GRPEL1: variants seen among roughly 807,000 people sequenced by gnomAD.
GRPEL1 encodes the protein grpE protein homolog 1, mitochondrial.
GRPEL1 carries 13 observed loss-of-function variants against 22.1 expected under a neutral mutation model. That is an observed-to-expected ratio of 0.59 (90% CI 0.38 to 0.94). GRPEL1 has a LOEUF of 0.94. Among genes scored for constraint, GRPEL1 ranks in the 40% least tolerant of loss-of-function variants. The pLI is 0.00. For synonymous variants in GRPEL1, 109 were observed against 105.3 expected, an observed-to-expected ratio of 1.03 and a Z score of -0.21; for missense variants, 289 against 264.6, an observed-to-expected ratio of 1.09 and a Z score of -0.64.
rs1723968522 is a variant in GRPEL1 at position 7,059,097 on chromosome 4, G to GA, written c.*1764dup. 1 of 152,140 alleles carries GA rather than the reference G, an allele frequency of 6.6e-6. No homozygotes were observed. The highest frequency in any genetic ancestry group is 2.4e-5 in the African/African-American group (1 of 41,422). The allele number at this position is 152,140 out of a possible 1,614,324, so 9.4% of individuals were successfully genotyped here. A position where few individuals can be genotyped will look rare whatever the true frequency, so the allele number is the denominator to read the frequency against. On this transcript the variant is annotated 3_prime_UTR_variant, in exon 4 of 4. Transcript: ENST00000264954. ...ATGTAGGTACACATGGTGTTCACAGGAAAAACTGCCTGACAGCGCATTTCT... is the reference window on the plus strand; with the variant it reads ...ATGTAGGTACACATGGTGTTCACAGGAAAAAACTGCCTGACAGCGCATTTCT...
rs1002860854 is a variant in GRPEL1 at position 7,059,501 on chromosome 4, G to T, written c.*1361C>A. On this transcript the variant is annotated 3_prime_UTR_variant, in exon 4 of 4. Transcript: ENST00000264954. ...CCCAGTCATGTTTTCTTCAATACAC[G>T]ATGCTGCCTTTAGTTGTTTCTGACC... is the stretch of plus-strand genomic sequence containing the variant. The T allele has an allele frequency of 6.6e-6, 1 of 152,176 alleles. No homozygotes were observed. The highest frequency in any genetic ancestry group is 1.5e-5 in the Non-Finnish European group (1 of 68,032). The allele number at this position is 152,176 out of a possible 1,614,324, so 9.4% of individuals were successfully genotyped here. A position where few individuals can be genotyped will look rare whatever the true frequency, so the allele number is the denominator to read the frequency against.
rs1378424769 is a variant in GRPEL1, at chr4:7,059,156, C to G, written c.*1706G>C. On this transcript the variant is annotated 3_prime_UTR_variant, in exon 4 of 4. Coordinates refer to ENST00000264954, the MANE Select transcript of GRPEL1 (RefSeq NM_025196.4). ...ATCCCTGTGGTTAAGCCATGCTTGA[C>G]TATATTCCAAAATCCGAAAACCCCC... The G allele has an allele frequency of 6.6e-6, 1 of 152,216 alleles. No homozygotes were observed. The highest frequency in any genetic ancestry group is 1.5e-5 in the Non-Finnish European group (1 of 68,052). The allele number at this position is 152,216 out of a possible 1,614,324, so 9.4% of individuals were successfully genotyped here. A position where few individuals can be genotyped will look rare whatever the true frequency, so the allele number is the denominator to read the frequency against.
rs1724000225 is a variant in GRPEL1 at position 7,060,031 on chromosome 4, G to A, written c.*831C>T. On this transcript the variant is annotated 3_prime_UTR_variant, in exon 4 of 4. Coordinates refer to ENST00000264954, the MANE Select transcript of GRPEL1 (RefSeq NM_025196.4). ...TCAGCGGCAAGGATCTCCATGAGAG[G>A]ACACAAAATTGTTTTCAGAAAGTAG... The A allele has an allele frequency of 6.6e-6, 1 of 152,206 alleles. No individual in the cohort carries two copies. Among genetic ancestry groups the A allele is most frequent in the African/African-American group, 2.4e-5 (1 of 41,452 alleles). The allele number at this position is 152,206 out of a possible 1,614,324, so 9.4% of individuals were successfully genotyped here. A position where few individuals can be genotyped will look rare whatever the true frequency, so the allele number is the denominator to read the frequency against.
At position 7,068,013 on chromosome 4, in the gene GRPEL1, C is replaced by T. The variant is rs1560402831; in HGVS notation, c.20G>A (p.Arg7Lys). MAAQCV[R>K]LARRSLPALA... ...AGCAGGAAGACTGCGCCGCGCCAAC[C>T]TCACGCACTGAGCCGCCATGACTGC... Residue 7 changes from arginine (R) to lysine (K), a missense_variant, in exon 1 of 4, where the codon AGG becomes AAG. Physicochemically the swap from Arg to Lys is conservative, Grantham distance 26. Transcript: ENST00000264954. The T allele has an allele frequency of 1.9e-6, 3 of 1,612,992 alleles. No homozygotes were observed. The highest frequency in any genetic ancestry group is 2.2e-5 in the East Asian group (1 of 44,856).
Position 7,068,027 on chromosome 4 carries a change from C to T in GRPEL1, c.6G>A (p.Ala2=), listed in dbSNP as rs1724218138. 2 of 1,612,694 alleles carry T rather than the reference C, an allele frequency of 1.2e-6. No homozygotes were observed. Among genetic ancestry groups the T allele is most frequent in the Middle Eastern group, 1.6e-4 (1 of 6,082 alleles). Residue 2 remains alanine (A), a synonymous_variant, in exon 1 of 4, where the codon GCG becomes GCA. Transcript: ENST00000264954. ...GCCGCGCCAACCTCACGCACTGAGCCGCCATGACTGCCACTGCCCGTCGCA... is the reference window on the plus strand; with the variant it reads ...GCCGCGCCAACCTCACGCACTGAGCTGCCATGACTGCCACTGCCCGTCGCA... The part of the protein sequence containing the change: M[A]AQCVRLARRS...
chr4:7,067,571 CT>C (rs1724200221), intron 1 of GRPEL1: 2 of 253,730 alleles, frequency 7.9e-6, no homozygotes, highest in South Asian at 1.1e-4. Flanking sequence ...TTGGACAAAG[CT>C]CGAGCTTCTT....
At position 7,060,539 on chromosome 4, in the gene GRPEL1, TTTTA is replaced by T. The variant is rs1422920748; in HGVS notation, c.*319_*322del. On this transcript the variant is annotated 3_prime_UTR_variant, in exon 4 of 4. Coordinates refer to ENST00000264954, the MANE Select transcript of GRPEL1 (RefSeq NM_025196.4). Reference sequence around the variant, plus strand: ...TAGCCAAACAGAATTCCCCAAGACCTTTTATTTGTTTAAAATACTTTGGTGTCAG... The same window carrying T: ...TAGCCAAACAGAATTCCCCAAGACCTTTTGTTTAAAATACTTTGGTGTCAG... 70 of 306,822 alleles carry T rather than the reference TTTTA, an allele frequency of 2.3e-4. 1 individual carries two copies. In the Admixed American group the frequency reaches 2.4e-3, roughly 11 times the overall value. The allele number at this position is 306,822 out of a possible 1,614,324, so 19.0% of individuals were successfully genotyped here. A position where few individuals can be genotyped will look rare whatever the true frequency, so the allele number is the denominator to read the frequency against.
intron 2 of GRPEL1, 53 bp downstream of exon 2, chr4:7,064,008 G>A (rs1724100898): frequency 6.3e-7 from 1 of 1,575,408 alleles, no homozygotes; most frequent in Non-Finnish European, 8.6e-7. Context: ...ATGTGGCCCA[G>A]GAGAGAAACA....
In GRPEL1 at chr4:7,058,927, G is replaced by C. The variant is rs1723961454; in HGVS notation, c.*1935C>G. ...ACAGTTTGCACTGTACCTTTACTAT[G>C]TTATGTTCAGATACACAGATACCAT... On this transcript the variant is annotated 3_prime_UTR_variant, in exon 4 of 4. Coordinates refer to ENST00000264954, the MANE Select transcript of GRPEL1 (RefSeq NM_025196.4). 6.6e-6 allele frequency: 1 copy of C among 152,188 alleles called. No homozygotes were observed. The highest frequency in any genetic ancestry group is 2.1e-4 in the South Asian group (1 of 4,828). 9.4% of individuals were successfully genotyped at this position (152,188 alleles called of 1,614,324 possible).
In GRPEL1 at chr4:7,064,146, C is replaced by G; in HGVS notation, c.140G>C (p.Ser47Thr). ...GQNLEEDMGQSEQKADPPATE... is the reference protein window; with the variant it reads ...GQNLEEDMGQTEQKADPPATE... ...AGCAGGAGGATCTGCCTTCTGTTCACTCTGACCCATGTCCTCTTCCAGGTT... is the reference window on the plus strand; with the variant it reads ...AGCAGGAGGATCTGCCTTCTGTTCAGTCTGACCCATGTCCTCTTCCAGGTT... Residue 47 changes from serine (S) to threonine (T), a missense_variant, in exon 2 of 4, where the codon AGT becomes ACT. By Grantham distance (58) the Ser-to-Thr change is moderately conservative. Coordinates refer to ENST00000264954, the MANE Select transcript of GRPEL1 (RefSeq NM_025196.4). 1 of 1,614,228 alleles carries G rather than the reference C, an allele frequency of 6.2e-7. No homozygotes were observed. Among genetic ancestry groups the G allele is most frequent in the East Asian group, 2.2e-5 (1 of 44,890 alleles).
intron 3 of GRPEL1, chr4:7,061,788 A>G (rs1700466663): frequency 6.5e-6 from 1 of 154,240 alleles, no homozygotes; most frequent in African/African-American, 2.4e-5. Flanking sequence ...CAGAGACTCT[A>G]GCTCTTAGTT....
Position 7,061,304 on chromosome 4 carries a change from T to C in GRPEL1, c.308-96A>G, listed in dbSNP as rs1056948649. On this transcript the variant is annotated intron_variant, in intron 3 of 3. Coordinates refer to ENST00000264954, the MANE Select transcript of GRPEL1 (RefSeq NM_025196.4). Reference sequence around the variant, plus strand: ...CTGACCTGATGTGGAGGCTATTTAGTAACTTGTCAAATCAATCGCCTCAGA... The same window carrying C: ...CTGACCTGATGTGGAGGCTATTTAGCAACTTGTCAAATCAATCGCCTCAGA... 1.1e-5 allele frequency: 10 copies of C among 932,516 alleles called. No individual in the cohort carries two copies. In the African/African-American group the frequency reaches 1.3e-4, roughly 12 times the overall value. 57.8% of individuals were successfully genotyped at this position (932,516 alleles called of 1,614,324 possible).
intron 1 of GRPEL1, among the ~76,000 whole-genome samples, chr4:7,064,701 G>C (rs1046722178): frequency 1.3e-5 from 2 of 152,086 alleles, no homozygotes; most frequent in Non-Finnish European, 2.9e-5. Context: ...GTTTCACTAT[G>C]TTGGCCAGGC....
At chr4:7,062,822 T>C (rs1178538343) in intron 2 of GRPEL1, among the ~76,000 whole-genome samples, 2 of 152,136 alleles carry the variant, frequency 1.3e-5, no homozygotes, top group African/African-American at 4.8e-5. Flanking sequence ...GGGAGATTTA[T>C]ATTAATATGG....
Position 7,061,121 on chromosome 4 carries a change from T to G in GRPEL1, c.395A>C (p.Asp132Ala). The change falls in exon 4 of 4, where the codon GAC becomes GCC. Residue 132 changes from aspartate to alanine, a missense_variant. Physicochemically the swap from Asp to Ala is moderately radical, Grantham distance 126. Coordinates refer to ENST00000264954, the MANE Select transcript of GRPEL1 (RefSeq NM_025196.4). Reference sequence around the variant, plus strand: ...GAGGTTCTTCAGGTGAGGGTTATCGTCTTTAATTTCTTCTTTTGGAACACA... The same window carrying G: ...GAGGTTCTTCAGGTGAGGGTTATCGGCTTTAATTTCTTCTTTTGGAACACA... Reference protein sequence around the residue: ...TQCVPKEEIKDDNPHLKNLYE... With the variant: ...TQCVPKEEIKADNPHLKNLYE... 1 of 1,614,230 alleles carries G rather than the reference T, an allele frequency of 6.2e-7. No individual in the cohort carries two copies.
chr4:7,065,095 C>T (rs1465200681), intron 1 of GRPEL1, among the ~76,000 whole-genome samples: 5 of 152,190 alleles, frequency 3.3e-5, no homozygotes, highest in East Asian at 1.9e-4. Context: ...GACCTAACCA[C>T]GTACTTATGG....
intron 1 of GRPEL1, 53 bp downstream of exon 1, chr4:7,067,918 G>A: frequency 1.9e-6 from 3 of 1,579,294 alleles, no homozygotes; most frequent in Non-Finnish European, 1.7e-6. Context: ...GGCCCCCATC[G>A]GAGCGGGAGG....
intron 2 of GRPEL1, 131 bp downstream of exon 2, chr4:7,063,930 C>T: frequency 2.0e-6 from 2 of 997,100 alleles, no homozygotes; most frequent in Non-Finnish European, 2.8e-6. Context: ...CCACCTGGGC[C>T]CACTGCAGGC....
rs80215869 is a variant in GRPEL1, at chr4:7,064,624, C to A, written c.63-401G>T. Among the ~76,000 whole-genome samples the A allele has an allele frequency of 9.7e-3, 1,472 of 152,108 alleles. 11 individuals are homozygous for A. Among genetic ancestry groups the A allele is most frequent in the Middle Eastern group, 0.037 (11 of 294 alleles). ...CGTCTCGTGGGTTCAAGGGATACTC[C>A]CACCTCAACCTCCCCAGTTGCTCGT... On this transcript the variant is annotated intron_variant, in intron 1 of 3. Coordinates refer to ENST00000264954, the MANE Select transcript of GRPEL1 (RefSeq NM_025196.4).
Sources: gnomAD v4.1 joint callset for allele counts (sites outside exome capture counted in the v4.1 genomes callset) on GRCh38, gnomAD v4.1.1 for gene constraint, MANE v1.5 for transcripts, NCBI Gene and HGNC (gene_info 2026-07-23, HGNC 2026-07-21) for gene names.